Variants in CHST8 observed in about 807,000 individuals in gnomAD.
The protein encoded by CHST8 is GALNAC-4-ST1.
CHST8 carries 10 observed loss-of-function variants against 15.0 expected under a neutral mutation model. The observed-to-expected ratio is 0.67, with a 90% CI of 0.41 to 1.13. The LOEUF is 1.13. Among genes scored for constraint, CHST8 ranks in the 50% most tolerant of loss-of-function variants. The pLI is 0.00. For synonymous variants in CHST8, 259 were observed against 256.6 expected (o/e 1.01, Z -0.09); for missense variants, 634 against 608.2 (o/e 1.04, Z -0.45).
chr19:33,623,954 T>A (rs753444948), intron 1 of CHST8, among the ~76,000 whole-genome samples: 133 of 152,298 alleles, frequency 8.7e-4, no homozygotes, highest in Non-Finnish European at 1.6e-3. Context: ...GGTCTGAATG[T>A]TGGTTCCAGT....
At chr19:33,752,624 T>C (rs1448159305) in intron 3 of CHST8, among the ~76,000 whole-genome samples, 1 of 152,186 alleles carries the variant, frequency 6.6e-6, no homozygotes, top group Non-Finnish European at 1.5e-5. Flanking sequence ...CCCCACGTTA[T>C]GGACACCCTC....
intron 3 of CHST8, among the ~76,000 whole-genome samples, chr19:33,718,692 C>T (rs975648485): frequency 1.3e-4 from 20 of 152,336 alleles, no homozygotes; most frequent in African/African-American, 3.6e-4. Context: ...ATGAGCTCAA[C>T]GTACACGTTC....
At position 33,688,589 on chromosome 19, in the gene CHST8, T is replaced by A. The variant is rs188256841; in HGVS notation, c.-86-587T>A. ...TGACATACGCCAACCCATCTGTCAG[T>A]CCATCAGTGAGGACAGCCCTGGCTG... is the stretch of plus-strand genomic sequence containing the variant. On this transcript the variant is annotated intron_variant, in intron 2 of 4. Coordinates refer to ENST00000650847, the MANE Select transcript of CHST8 (RefSeq NM_001127895.2). Among the ~76,000 whole-genome samples the A allele has an allele frequency of 3.6e-3, 549 of 152,190 alleles. 3 individuals carry two copies. The highest frequency in any genetic ancestry group is 0.012 in the African/African-American group (518 of 41,526).
At chr19:33,768,763 A>T (rs972224001) in intron 3 of CHST8, among the ~76,000 whole-genome samples, 14 of 152,136 alleles carry the variant, frequency 9.2e-5, no homozygotes, top group African/African-American at 3.4e-4. Context: ...GTAAATTTTT[A>T]AAAATGTTAA....
intron 1 of CHST8, among the ~76,000 whole-genome samples, chr19:33,653,074 C>A (rs1972469889): frequency 6.6e-6 from 1 of 152,098 alleles, no homozygotes; most frequent in African/African-American, 2.4e-5. Flanking sequence ...CAGCTGTTTA[C>A]CAGTTTCTTT....
chr19:33,702,243 C>T (rs1599566336), intron 3 of CHST8, among the ~76,000 whole-genome samples: 2 of 152,248 alleles, frequency 1.3e-5, no homozygotes, highest in Admixed American at 1.3e-4. Flanking sequence ...GCCTTGGCAT[C>T]CCAAAGTGCT....
chr19:33,674,972 A>G (rs1042367443), intron 2 of CHST8, among the ~76,000 whole-genome samples: 1 of 152,220 alleles, frequency 6.6e-6, no homozygotes, highest in Non-Finnish European at 1.5e-5. Flanking sequence ...GTGTGCACAC[A>G]TGTCTACAGC....
At chr19:33,697,961 G>A (rs1057274421) in intron 3 of CHST8, among the ~76,000 whole-genome samples, 1 of 152,124 alleles carries the variant, frequency 6.6e-6, no homozygotes, top group African/African-American at 2.4e-5. Context: ...TGGGGACCCC[G>A]GAGTAGGGAG....
chr19:33,661,345 TATC>T (rs1421742653), intron 1 of CHST8, among the ~76,000 whole-genome samples: 1 of 152,210 alleles, frequency 6.6e-6, no homozygotes, highest in Non-Finnish European at 1.5e-5. Flanking sequence ...ATCACTATGT[TATC>T]ATTCAGTTCT....
chr19:33,691,980 G>C (rs1440920881), intron 3 of CHST8, among the ~76,000 whole-genome samples: 1 of 152,096 alleles, frequency 6.6e-6, no homozygotes, highest in Non-Finnish European at 1.5e-5. Context: ...ATTCTGAGTT[G>C]CTTGAGGTCC....
At position 33,772,539 on chromosome 19, in the gene CHST8, T is replaced by C; in HGVS notation, c.751T>C (p.Tyr251His). Residue 251 changes from tyrosine to histidine, a missense_variant, in exon 5 of 5, where the codon TAC (tyrosine) becomes CAC (histidine). By Grantham distance (83) the Tyr-to-His change is moderately conservative. Coordinates refer to ENST00000650847, the MANE Select transcript of CHST8 (RefSeq NM_001127895.2). ...GGGTATCTTGCACCGTCTCAGCACC[T>C]ACACCAAGATGCTCTTTGTCCGCGA... ...RQGILHRLST[Y>H]TKMLFVREPF... is the part of the protein sequence containing the mutation. The C allele has an allele frequency of 6.2e-7, 1 of 1,614,062 alleles. No individual in the cohort carries two copies. The highest frequency in any genetic ancestry group is 8.5e-7 in the Non-Finnish European group (1 of 1,180,018).
chr19:33,745,400 T>C (rs1252880823), intron 3 of CHST8, among the ~76,000 whole-genome samples: 2 of 152,252 alleles, frequency 1.3e-5, no homozygotes, highest in Non-Finnish European at 2.9e-5. Context: ...AACGGAGGCA[T>C]TACTGCCTCT....
chr19:33,630,480 G>A (rs940284800), intron 1 of CHST8, among the ~76,000 whole-genome samples: 1 of 151,876 alleles, frequency 6.6e-6, no homozygotes, highest in East Asian at 1.9e-4. Context: ...CATGGGGCAG[G>A]CAGTCCGCCT....
At position 33,758,027 on chromosome 19, in the gene CHST8, G is replaced by A. The variant is rs374993430; in HGVS notation, c.131-13386G>A. Among the ~76,000 whole-genome samples, 145 of 152,224 alleles carry A rather than the reference G, an allele frequency of 9.5e-4. 1 individual carries two copies. The highest frequency in any genetic ancestry group is 3.3e-3 in the African/African-American group (136 of 41,548). ...ACTGCAGCTATCCAGACCCTCGGCA[G>A]GGAAGAGCCGGACTGACGGCCAGAG... On this transcript the variant is annotated intron_variant, in intron 3 of 4. Transcript: ENST00000650847.
In CHST8 at chr19:33,689,318, G is replaced by A; in HGVS notation, c.57G>A (p.Leu19=). Residue 19 remains leucine, a synonymous_variant, in exon 3 of 5, where the codon CTG becomes CTA. Coordinates refer to ENST00000650847, the MANE Select transcript of CHST8 (RefSeq NM_001127895.2). ...RLACMFSSIL[L]FGAAGLLLFI... ...CCTGCATGTTCTCTTCCATCCTGCT[G>A]TTCGGAGCTGCAGGCCTCCTCCTCT... 1 of 1,609,728 alleles carries A rather than the reference G, an allele frequency of 6.2e-7. No individual in the cohort carries two copies. The highest frequency in any genetic ancestry group is 1.3e-5 in the African/African-American group (1 of 74,922).
intron 2 of CHST8, among the ~76,000 whole-genome samples, chr19:33,669,608 C>G (rs1273040047): frequency 1.3e-5 from 2 of 152,182 alleles, no homozygotes; most frequent in Admixed American, 1.3e-4. Flanking sequence ...GTGCAAAACC[C>G]TGGCAGTCCT....
At chr19:33,683,345 C>T (rs963009430) in intron 2 of CHST8, among the ~76,000 whole-genome samples, 7 of 152,174 alleles carry the variant, frequency 4.6e-5, no homozygotes, top group African/African-American at 1.7e-4. Context: ...CAACATTTGT[C>T]TTTAAAAGTG....
At chr19:33,769,524 GTCA>G (rs1974923955) in intron 3 of CHST8, among the ~76,000 whole-genome samples, 1 of 152,174 alleles carries the variant, frequency 6.6e-6, no homozygotes, top group Admixed American at 6.5e-5. Flanking sequence ...GAAGGGAGCT[GTCA>G]TCATCGGCTG....
At chr19:33,633,504 G>A (rs948922494) in intron 1 of CHST8, among the ~76,000 whole-genome samples, 4 of 152,034 alleles carry the variant, frequency 2.6e-5, no homozygotes, top group East Asian at 1.9e-4. Context: ...CCAGCCTCCC[G>A]CCTCAGCCTC....
Sources: gnomAD v4.1 joint callset for allele counts (sites outside exome capture counted in the v4.1 genomes callset) on GRCh38, gnomAD v4.1.1 for gene constraint, MANE v1.5 for transcripts, NCBI Gene and HGNC (gene_info 2026-07-23, HGNC 2026-07-21) for gene names.